The following TENM4 variants were observed in gnomAD, a reference collection of about 807,000 sequenced individuals.
TENM4 encodes teneurin-4.
Under a neutral mutation model 243.3 loss-of-function variants are expected in TENM4, and 82 were observed. The ratio of observed to expected loss-of-function variants is 0.34; its 90% CI spans 0.28 to 0.40. TENM4 has a LOEUF of 0.40. Ranked by LOEUF, TENM4 falls within the 10% of genes least tolerant of loss-of-function variation. TENM4 has a pLI of 1.00. For missense variants in TENM4, 3,138 were observed against 3,673.3 expected, an observed-to-expected ratio of 0.85 and a Z score of 3.77; for synonymous variants, 1,412 against 1,456.3, an observed-to-expected ratio of 0.97 and a Z score of 0.69.
At chr11:79,376,476 G>C (rs1393344964) in intron 1 of TENM4, among the ~76,000 whole-genome samples, 1 of 152,210 alleles carries the variant, frequency 6.6e-6, no homozygotes, top group Admixed American at 6.5e-5. Context: ...TACAGTCTCA[G>C]TTTAAGCCTG....
rs577089587 is a variant in TENM4 at position 78,901,550 on chromosome 11, C to T, written c.749+1718G>A. Among the ~76,000 whole-genome samples, 25 of 152,174 alleles carry T rather than the reference C, an allele frequency of 1.6e-4. No homozygotes were observed. The South Asian group carries it at 5.2e-3, about 32-fold the overall frequency. On this transcript the variant is annotated intron_variant, in intron 7 of 33. Transcript: ENST00000278550. ...CCTTTCCTTGAAAAACCTGGAGACT[C>T]AGAATAGGAAGTTCTAACTTGATCC...
chr11:79,346,367 G>A (rs746303229), intron 1 of TENM4, among the ~76,000 whole-genome samples: 1 of 152,050 alleles, frequency 6.6e-6, no homozygotes, highest in African/African-American at 2.4e-5. Context: ...GCCTTCGGGG[G>A]TGTTTGAGAA....
intron 1 of TENM4, among the ~76,000 whole-genome samples, chr11:79,344,277 A>G (rs1857290012): frequency 6.6e-6 from 1 of 152,216 alleles, no homozygotes; most frequent in African/African-American, 2.4e-5. Context: ...GGGGGTGCTC[A>G]AAGCATGAGG....
At position 78,729,756 on chromosome 11, in the gene TENM4, A is replaced by C. The variant is rs1254089186; in HGVS notation, c.3139-113T>G. 3 of 1,360,862 alleles carry C rather than the reference A, an allele frequency of 2.2e-6. No homozygotes were observed. In the Admixed American group the frequency reaches 7.0e-5, roughly 32 times the overall value. 84.3% of individuals were successfully genotyped at this position (1,360,862 alleles called of 1,614,324 possible). On this transcript the variant is annotated intron_variant, in intron 21 of 33. Coordinates refer to ENST00000278550, the MANE Select transcript of TENM4 (RefSeq NM_001098816.3). ...TTCAGGAGGTAGAGGGAAAGGCAGA[A>C]GGAGAGAGGAGGGGAAAAAAAGAGG...
At chr11:79,405,949 G>T (rs1858562443) in intron 1 of TENM4, among the ~76,000 whole-genome samples, 1 of 151,870 alleles carries the variant, frequency 6.6e-6, no homozygotes, top group Non-Finnish European at 1.5e-5. Flanking sequence ...ATCTATGGAG[G>T]TGTCTACAAA....
intron 1 of TENM4, among the ~76,000 whole-genome samples, chr11:79,412,331 C>T (rs913991706): frequency 2.0e-5 from 3 of 152,234 alleles, no homozygotes; most frequent in African/African-American, 7.2e-5. Flanking sequence ...GTGACAGACC[C>T]TCTGTTGTCT....
At chr11:78,784,530 G>A (rs905064617) in intron 16 of TENM4, among the ~76,000 whole-genome samples, 20 of 152,126 alleles carry the variant, frequency 1.3e-4, no homozygotes, top group Non-Finnish European at 2.8e-4. Context: ...CACAATGAGA[G>A]GTATTAATAG....
intron 2 of TENM4, among the ~76,000 whole-genome samples, chr11:79,290,392 T>C (rs537041962): frequency 6.8e-4 from 103 of 152,356 alleles, no homozygotes; most frequent in Non-Finnish European, 1.1e-3. Flanking sequence ...AGAGAAAGGC[T>C]AAATGATTTC....
chr11:79,265,515 T>C (rs964809833), intron 2 of TENM4, among the ~76,000 whole-genome samples: 1 of 143,940 alleles, frequency 6.9e-6, no homozygotes, highest in Non-Finnish European at 1.5e-5. Flanking sequence ...TAGATTGTGT[T>C]ACATGTATGA....
chr11:79,089,576 G>C (rs1009719480), intron 4 of TENM4, among the ~76,000 whole-genome samples: 1 of 152,106 alleles, frequency 6.6e-6, no homozygotes, highest in Non-Finnish European at 1.5e-5. Context: ...CACTGCCCCA[G>C]CTAACCCAAA....
chr11:79,402,683 G>T (rs1858486989), intron 1 of TENM4, among the ~76,000 whole-genome samples: 1 of 152,078 alleles, frequency 6.6e-6, no homozygotes, highest in Admixed American at 6.5e-5. Flanking sequence ...CCTCTCCTCT[G>T]CAGCCATTTC....
intron 3 of TENM4, among the ~76,000 whole-genome samples, chr11:79,185,168 C>T (rs1191221759): frequency 6.6e-6 from 1 of 152,060 alleles, no homozygotes. Context: ...TGTGGTGGCA[C>T]ATGCCTGCAG....
intron 1 of TENM4, among the ~76,000 whole-genome samples, chr11:79,379,577 T>C (rs533255688): frequency 1.6e-4 from 25 of 152,322 alleles, no homozygotes; most frequent in African/African-American, 5.8e-4. Context: ...TGCTTGGCAC[T>C]GTACAAAGCA....
chr11:78,667,685 C>A (rs1362546094), intron 32 of TENM4, among the ~76,000 whole-genome samples: 1 of 152,174 alleles, frequency 6.6e-6, no homozygotes, highest in South Asian at 2.1e-4. Context: ...TCCTGGAATG[C>A]AGGGATCATT....
At chr11:79,284,726 T>G (rs924456564) in intron 2 of TENM4, among the ~76,000 whole-genome samples, 1 of 152,240 alleles carries the variant, frequency 6.6e-6, no homozygotes, top group Non-Finnish European at 1.5e-5. Context: ...GAAAAAGTTT[T>G]GTTCTTCAAA....
rs570815945 is a variant in TENM4 at position 79,178,227 on chromosome 11, G to GA, written c.-162-29422dup. Among the ~76,000 whole-genome samples, 66 of 152,230 alleles carry GA rather than the reference G, an allele frequency of 4.3e-4. 2 individuals carry two copies. The South Asian group carries it at 0.013, about 30-fold the overall frequency. On this transcript the variant is annotated intron_variant, in intron 3 of 33. Coordinates refer to ENST00000278550, the MANE Select transcript of TENM4 (RefSeq NM_001098816.3). ...GAAGAGCAGGTTGGCAAGCAGGTGG[G>GA]AAAAAATCAGGGAACAGGCTTTGTG...
intron 1 of TENM4, among the ~76,000 whole-genome samples, chr11:79,345,734 C>T (rs763763576): frequency 6.6e-6 from 1 of 152,144 alleles, no homozygotes; most frequent in Non-Finnish European, 1.5e-5. Flanking sequence ...TGAGAAGTTC[C>T]TTGCAAATCA....
intron 6 of TENM4, among the ~76,000 whole-genome samples, chr11:78,976,808 T>C (rs1218299465): frequency 6.6e-6 from 1 of 152,192 alleles, no homozygotes; most frequent in East Asian, 1.9e-4. Context: ...ACTTTTTTTT[T>C]GATCCTAAAT....
chr11:79,229,998 T>TTC (rs1864345107), intron 2 of TENM4, among the ~76,000 whole-genome samples: 1 of 150,856 alleles, frequency 6.6e-6, no homozygotes, highest in Admixed American at 6.6e-5. Flanking sequence ...GGCTAACTTT[T>TTC]TTTTTTTTTT....
Sources: gnomAD v4.1 joint callset for allele counts (sites outside exome capture counted in the v4.1 genomes callset) on GRCh38, gnomAD v4.1.1 for gene constraint, MANE v1.5 for transcripts, NCBI Gene and HGNC (gene_info 2026-07-23, HGNC 2026-07-21) for gene names.